Variants in LRRC37B observed in about 807,000 individuals in gnomAD.
LRRC37B encodes the protein leucine-rich repeat-containing protein 37B.
Under a neutral mutation model 98.3 loss-of-function variants are expected in LRRC37B, and 28 were observed. The observed-to-expected ratio is 0.28, with a 90% CI of 0.21 to 0.39. The LOEUF is 0.39. Among genes scored for constraint, LRRC37B ranks in the 10% least tolerant of loss-of-function variants. LRRC37B has a pLI of 1.00. For missense variants in LRRC37B, 938 were observed against 1,182.7 expected (o/e 0.79, Z 3.03); for synonymous variants, 364 against 442.7 (o/e 0.82, Z 2.23).
intron 7 of LRRC37B, chr17:32,041,997 T>A: frequency 2.8e-6 from 1 of 360,350 alleles, no homozygotes; most frequent in Non-Finnish European, 5.5e-6. Flanking sequence ...TGGTTTTAAA[T>A]CCCTCCACAA....
intron 9 of LRRC37B, among the ~76,000 whole-genome samples, chr17:32,048,281 A>G (rs1448375551): frequency 6.6e-6 from 1 of 150,690 alleles, no homozygotes; most frequent in Non-Finnish European, 1.5e-5. Context: ...GCACAGCACT[A>G]GGAAAGAACA....
intron 1 of LRRC37B, among the ~76,000 whole-genome samples, chr17:32,011,411 C>A (rs189845814): frequency 6.6e-6 from 1 of 152,216 alleles, no homozygotes; most frequent in Admixed American, 6.5e-5. Flanking sequence ...ATTGCCCAGG[C>A]TGGTCTTGAA....
chr17:32,013,876 G>A (rs775265209), intron 1 of LRRC37B, among the ~76,000 whole-genome samples: 15 of 152,106 alleles, frequency 9.9e-5, no homozygotes, highest in Non-Finnish European at 2.1e-4. Context: ...CATATACAAT[G>A]CATGTATGAT....
At chr17:32,027,666 A>C (rs1304663605) in intron 2 of LRRC37B, 103 bp from the exon 6 acceptor site, 3 of 1,180,046 alleles carry the variant, frequency 2.5e-6, no homozygotes, top group East Asian at 5.2e-5. Flanking sequence ...CACCATCTTG[A>C]AATGACCATG....
intron 1 of LRRC37B, among the ~76,000 whole-genome samples, chr17:32,015,579 T>C (rs1407823087): frequency 1.3e-5 from 2 of 152,206 alleles, no homozygotes; most frequent in Non-Finnish European, 2.9e-5. Context: ...TCTTTTGAAG[T>C]CTAGAAGTCT....
intron 11 of LRRC37B, chr17:32,050,693 A>G (rs1219753895): frequency 3.3e-5 from 5 of 151,992 alleles, no homozygotes; most frequent in Non-Finnish European, 7.3e-5. Context: ...GGAATGTCTC[A>G]TACTCCAGCC....
At chr17:32,041,145 C>T (rs750774416) in intron 7 of LRRC37B, 12 of 769,226 alleles carry the variant, frequency 1.6e-5, no homozygotes, top group South Asian at 5.4e-5. Context: ...GAAGCTCAAG[C>T]GCAGGATGCG....
upstream of LRRC37B, among the ~76,000 whole-genome samples, chr17:32,019,682 C>G (rs2142239141): frequency 1.3e-5 from 2 of 152,066 alleles, no homozygotes; most frequent in Middle Eastern, 6.8e-3. Flanking sequence ...AAGTTTTTCC[C>G]TGTAAAATAA....
intron 11 of LRRC37B, 190 bp from the exon 15 acceptor site, chr17:32,053,076 C>G (rs960506115): frequency 9.9e-5 from 59 of 598,788 alleles, no homozygotes; most frequent in African/African-American, 6.3e-4. Context: ...AGAACCAGTC[C>G]TCTGCAAGGT....
rs796634524 is a variant in LRRC37B, at chr17:32,033,337, GAGGGAGGGA to G, written c.2058-1558_2058-1550del. On this transcript the variant is annotated intron_variant, in intron 5 of 11. Transcript: ENST00000327564. ...AAGGAAGGGAGGAAGGGAGGGAGGG[GAGGGAGGGA>G]AGGGAGGGAAGGGAAAGAAGGAGGG... is the stretch of plus-strand genomic sequence containing the variant. 1.8e-4 allele frequency among the ~76,000 whole-genome samples: 26 copies of G among 140,960 alleles called. No individual in the cohort carries two copies. The East Asian group carries it at 4.4e-3, about 24-fold the overall frequency. 92.5% of individuals were successfully genotyped at this position (140,960 alleles called of 152,430 possible). A position where few individuals can be genotyped will look rare whatever the true frequency, so the allele number is the denominator to read the frequency against.
At chr17:32,035,591 T>A in exon 7 of LRRC37B, 1 of 1,612,622 alleles carries the variant, frequency 6.2e-7, no homozygotes, top group Non-Finnish European at 8.5e-7. Context: ...CACATCACAC[T>A]TACAACACTT....
exon 10 of LRRC37B, chr17:32,049,155 G>C: frequency 6.2e-7 from 1 of 1,613,912 alleles, no homozygotes; most frequent in East Asian, 2.2e-5. Context: ...CATCCCCAAC[G>C]AGGATGTGAG....
intron 7 of LRRC37B, chr17:32,041,269 T>A: frequency 1.3e-6 from 1 of 764,856 alleles, no homozygotes. Context: ...GTCCCCAAGA[T>A]TGCAGCTTCA....
intron 7 of LRRC37B, chr17:32,042,722 C>G (rs1339639199): frequency 1.3e-5 from 2 of 152,246 alleles, no homozygotes; most frequent in East Asian, 3.8e-4. Flanking sequence ...GTCGGCAGTA[C>G]ATGAAGGGCA....
chr17:32,037,455 G>A (rs1212467816), intron 7 of LRRC37B, among the ~76,000 whole-genome samples: 9 of 146,814 alleles, frequency 6.1e-5, no homozygotes, highest in Middle Eastern at 4.1e-3. Context: ...TAGTAGAGAT[G>A]GGGTTTCATC....
At chr17:32,046,419 T>C (rs78394107) in intron 8 of LRRC37B, among the ~76,000 whole-genome samples, 24,608 of 144,286 alleles carry the variant, frequency 0.17, no homozygotes, top group African/African-American at 0.35. Flanking sequence ...GCAGAACAAA[T>C]GCTCAAGTTT....
rs147186888 is a variant in LRRC37B at position 32,040,706 on chromosome 17, C to T, written c.2205-4994C>T. On this transcript the variant is annotated intron_variant, in intron 7 of 11. Transcript: ENST00000327564. ...ACCCGCAGTTGGAGGGGCTCCTGAG[C>T]GAGTGCCTGATCCGCCACCAGAAGG... 869 of 782,486 alleles carry T rather than the reference C, an allele frequency of 1.1e-3. 7 individuals carry two copies. Among genetic ancestry groups the T allele is most frequent in the Middle Eastern group, 5.8e-3 (22 of 3,810 alleles). 48.5% of individuals were successfully genotyped at this position (782,486 alleles called of 1,614,324 possible).
At position 32,047,988 on chromosome 17, in the gene LRRC37B, G is replaced by A; in HGVS notation, c.2464+87G>A. 1.4e-5 allele frequency: 23 copies of A among 1,607,416 alleles called. No homozygotes were observed. In the South Asian group the frequency reaches 2.5e-4, roughly 18 times the overall value. ...TTATCTCTCACTGGGAAATCTAGGT[G>A]CAGAATCAATATTGTTACCGTTCAC... On this transcript the variant is annotated intron_variant, in intron 9 of 11. Coordinates refer to ENST00000327564, the Ensembl canonical transcript of LRRC37B.
intron 1 of LRRC37B, among the ~76,000 whole-genome samples, chr17:32,023,326 T>G (rs1311912077): frequency 6.6e-6 from 1 of 152,174 alleles, no homozygotes; most frequent in African/African-American, 2.4e-5. Context: ...TTTCTCCATG[T>G]TGGTCAGGCT....
Sources: allele counts gnomAD v4.1 joint callset (sites outside exome capture counted in the v4.1 genomes callset), GRCh38; gene constraint gnomAD v4.1.1; transcripts MANE v1.5; gene names NCBI Gene and HGNC (gene_info 2026-07-23, HGNC 2026-07-21).